IGDCC4: variants seen among roughly 807,000 people sequenced by gnomAD.
IGDCC4 encodes the protein likely ortholog of mouse neighbor of Punc E11.
IGDCC4 carries 72 observed loss-of-function variants against 116.6 expected under a neutral mutation model. The ratio of observed to expected loss-of-function variants is 0.62; its 90% CI spans 0.51 to 0.75. The LOEUF (loss-of-function observed/expected upper bound fraction) is 0.75. IGDCC4 is among the 30% of genes least tolerant of loss of function. The probability of loss-of-function intolerance (pLI) is 0.00; values close to 1 mark genes in which losing one functional copy is unlikely to be tolerated. For synonymous variants in IGDCC4, 709 were observed against 719.9 expected, an observed-to-expected ratio of 0.98 and a Z score of 0.24; for missense variants, 1,501 against 1,662.4, an observed-to-expected ratio of 0.90 and a Z score of 1.69.
At chr15:65,396,564 A>G in intron 6 of IGDCC4, 1 of 566,126 alleles carries the variant, frequency 1.8e-6, no homozygotes, top group Non-Finnish European at 3.2e-6. Context: ...TATCCCCACA[A>G]TAACCCCAGT....
At chr15:65,391,321 A>G (rs11071842) in intron 12 of IGDCC4, among the ~76,000 whole-genome samples, 65,367 of 151,958 alleles carry the variant, frequency 0.43, 14,740 homozygotes, top group East Asian at 0.67. Context: ...GTGAGGGAGT[A>G]TCATGATGGG....
In IGDCC4 at chr15:65,396,909, C is replaced by T. The variant is rs1393654116; in HGVS notation, c.922G>A (p.Gly308Ser). ...TTGTTGGCGCGGCAGACATAGACGCCGGAGTGCCAGGGCTGCGCGTTGGCA... is the reference window on the plus strand; with the variant it reads ...TTGTTGGCGCGGCAGACATAGACGCTGGAGTGCCAGGGCTGCGCGTTGGCA... ...LIANAQPWHSGVYVCRANKPR... is the reference protein window; with the variant it reads ...LIANAQPWHSSVYVCRANKPR... The change falls in exon 6 of 20, where the codon GGC becomes AGC. Residue 308 changes from glycine (G) to serine (S), a missense_variant. Around this residue, in one of 3 missense-constraint regions of IGDCC4, gnomAD observed 898 missense variants for 978.9 expected, o/e 0.92. Transcript: ENST00000352385. The T allele has an allele frequency of 1.3e-6, 2 of 1,573,378 alleles. No individual in the cohort carries two copies. Among genetic ancestry groups the T allele is most frequent in the East Asian group, 2.3e-5 (1 of 42,892 alleles).
At position 65,393,385 on chromosome 15, in the gene IGDCC4, G is replaced by C; in HGVS notation, c.1861C>G (p.Pro621Ala). The change falls in exon 10 of 20, where the codon CCC (proline) becomes GCC (alanine). Residue 621 changes from proline to alanine, a missense_variant. Physicochemically the swap from Pro to Ala is conservative, Grantham distance 27. Coordinates refer to ENST00000352385, the MANE Select transcript of IGDCC4 (RefSeq NM_020962.3). The surrounding 1 kb of genome is among the most constrained non-coding windows in gnomAD (Gnocchi z 4.6). ...APSQWMHHRTPSMHNQSHVPF... is the reference protein window; with the variant it reads ...APSQWMHHRTASMHNQSHVPF... ...CCATGGCTCTGGTTGTGCATACTGG[G>C]CGTCCTGTGATGCATCCACTGGGAG... 1 of 1,612,592 alleles carries C rather than the reference G, an allele frequency of 6.2e-7. No individual in the cohort carries two copies. The highest frequency in any genetic ancestry group is 8.5e-7 in the Non-Finnish European group (1 of 1,179,286).
intron 3 of IGDCC4, 126 bp downstream of exon 3, chr15:65,410,052 G>C: frequency 8.8e-7 from 1 of 1,139,776 alleles, no homozygotes. Flanking sequence ...GAGTCAGGCG[G>C]TGGTTAACAC....
chr15:65,408,931 C>A (rs1245236476), intron 3 of IGDCC4, among the ~76,000 whole-genome samples: 1 of 150,106 alleles, frequency 6.7e-6, no homozygotes, highest in South Asian at 2.1e-4. Context: ...GTAGCCTGAA[C>A]CTCCAAGTGA....
intron 8 of IGDCC4, 117 bp downstream of exon 8, chr15:65,394,977 A>T: frequency 8.7e-7 from 1 of 1,144,830 alleles, no homozygotes; most frequent in Admixed American, 2.7e-5. Flanking sequence ...CTTACGGGGC[A>T]CAAAAGATGA....
chr15:65,385,025 G>A lies in IGDCC4; in HGVS notation c.3271C>T (p.Arg1091Trp), dbSNP rs780866015. The A allele has an allele frequency of 3.1e-6, 5 of 1,606,862 alleles. No homozygotes were observed. In the South Asian group the frequency reaches 3.3e-5, roughly 11 times the overall value. Residue 1091 changes from arginine to tryptophan, a missense_variant, in exon 19 of 20, where the codon CGG becomes TGG. Around this residue, in one of 3 missense-constraint regions of IGDCC4, gnomAD observed 368 missense variants for 355.6 expected, o/e 1.03. Transcript: ENST00000352385. ...PQAGPRPALTRALLPPAGTGQ... is the reference protein window; with the variant it reads ...PQAGPRPALTWALLPPAGTGQ... The stretch of plus-strand genomic sequence containing the variant: ...GTTCCAGCAGGGGGCAGCAGGGCCC[G>A]GGTCAGAGCCGGCCGGGGGCCTGCC...
At chr15:65,415,414 C>T (rs968930820) in intron 1 of IGDCC4, among the ~76,000 whole-genome samples, 21 of 152,304 alleles carry the variant, frequency 1.4e-4, no homozygotes, top group African/African-American at 4.8e-4. Context: ...GAGGAGGCTC[C>T]GATTCCCTTC....
chr15:65,406,221 G>A (rs1433471227), intron 3 of IGDCC4, among the ~76,000 whole-genome samples: 1 of 152,242 alleles, frequency 6.6e-6, no homozygotes, highest in African/African-American at 2.4e-5. Flanking sequence ...TTTATGGCAA[G>A]TGTTGCTGGT....
chr15:65,401,837 CTG>C (rs1202243682), intron 4 of IGDCC4, among the ~76,000 whole-genome samples: 1 of 152,210 alleles, frequency 6.6e-6, no homozygotes, highest in African/African-American at 2.4e-5. Context: ...ACCCCAAAGA[CTG>C]TGCCCTTCCT....
intron 17 of IGDCC4, 56 bp from the exon 18 acceptor site, chr15:65,386,115 G>T: frequency 8.8e-7 from 1 of 1,140,862 alleles, no homozygotes; most frequent in Non-Finnish European, 1.2e-6. Flanking sequence ...GTCAGGCGGG[G>T]CTGGGATCTG....
intron 1 of IGDCC4, among the ~76,000 whole-genome samples, chr15:65,420,563 G>T (rs1172894993): frequency 6.6e-6 from 1 of 152,116 alleles, no homozygotes; most frequent in Non-Finnish European, 1.5e-5. Flanking sequence ...AGCCCTTTGT[G>T]AGCTGGATCT....
At chr15:65,415,665 G>A (rs531983478) in intron 1 of IGDCC4, among the ~76,000 whole-genome samples, 2 of 152,320 alleles carry the variant, frequency 1.3e-5, no homozygotes, top group East Asian at 1.9e-4. Flanking sequence ...CATCTCTGTG[G>A]AAGACAGTCT....
At chr15:65,403,166 AGG>A (rs1200075567) in intron 3 of IGDCC4, among the ~76,000 whole-genome samples, 1 of 152,238 alleles carries the variant, frequency 6.6e-6, no homozygotes, top group Admixed American at 6.5e-5. Context: ...GTTCATCTGC[AGG>A]GTGGGAACTG....
rs1194149429 is a variant in IGDCC4 at position 65,385,968 on chromosome 15, C to T, written c.3043G>A (p.Ala1015Thr). 1.9e-6 allele frequency: 3 copies of T among 1,590,582 alleles called. No individual in the cohort carries two copies. The Admixed American group carries it at 5.4e-5, about 29-fold the overall frequency. The change falls in exon 18 of 20, where the codon GCC becomes ACC. Residue 1015 changes from alanine to threonine, a missense_variant. Coordinates refer to ENST00000352385, the MANE Select transcript of IGDCC4 (RefSeq NM_020962.3). ...ARLGPPSPPA[A>T]HELESLVHPH... is the part of the protein sequence containing the mutation. ...TGCACAAGGGACTCCAATTCATGGG[C>T]AGCTGGGGGGCTGGGGGGGCCAAGC...
intron 5 of IGDCC4, among the ~76,000 whole-genome samples, chr15:65,398,533 C>CAAA (rs3082803): frequency 0.018 from 1,364 of 77,536 alleles, 12 homozygotes; most frequent in Middle Eastern, 0.074. Context: ...AACTCCATCT[C>CAAA]AAAAAAAAAA....
At chr15:65,416,438 A>T (rs1275282954) in intron 1 of IGDCC4, among the ~76,000 whole-genome samples, 1 of 152,080 alleles carries the variant, frequency 6.6e-6, no homozygotes, top group East Asian at 1.9e-4. Context: ...CGCCCGGCCA[A>T]ACCTCTAGCA....
Position 65,386,062 on chromosome 15 carries a change from G to T in IGDCC4, c.2952-3C>A. ...AGGACAGGCCTGGGAGGGATTCCCT[G>T]GAAGGGAAGACGGAAAACAAGGCAT... On this transcript the variant is annotated splice_polypyrimidine_tract_variant and splice_region_variant and intron_variant, in intron 17 of 19. Coordinates refer to ENST00000352385, the MANE Select transcript of IGDCC4 (RefSeq NM_020962.3). The T allele has an allele frequency of 1.3e-6, 2 of 1,491,226 alleles. No individual in the cohort carries two copies. The highest frequency in any genetic ancestry group is 1.8e-6 in the Non-Finnish European group (2 of 1,119,964). The allele number at this position is 1,491,226 out of a possible 1,614,324, so 92.4% of individuals were successfully genotyped here.
At chr15:65,403,154 G>A (rs1457274070) in intron 3 of IGDCC4, among the ~76,000 whole-genome samples, 1 of 152,242 alleles carries the variant, frequency 6.6e-6, no homozygotes, top group Non-Finnish European at 1.5e-5. Flanking sequence ...AACAACCCAA[G>A]TGTTCATCTG....
Sources: allele counts gnomAD v4.1 joint callset (sites outside exome capture counted in the v4.1 genomes callset), GRCh38; gene constraint gnomAD v4.1.1; regional missense constraint gnomAD v4.1.1; non-coding constraint Gnocchi (gnomAD v3.1); transcripts MANE v1.5; gene names NCBI Gene and HGNC (gene_info 2026-07-23, HGNC 2026-07-21).